The following DSCAML1 variants were observed in gnomAD, a reference collection of about 807,000 sequenced individuals.
The protein encoded by DSCAML1 is cell adhesion molecule DSCAML1.
Under a neutral mutation model 200.5 loss-of-function variants are expected in DSCAML1, and 38 were observed. That is an observed-to-expected ratio of 0.19 (90% confidence interval 0.15 to 0.25). DSCAML1 has a LOEUF of 0.25. Among genes scored for constraint, DSCAML1 ranks in the 10% least tolerant of loss-of-function variants. DSCAML1 has a pLI of 1.00. For missense variants in DSCAML1, 2,223 were observed against 2,858.8 expected (o/e 0.78, Z 5.07); for synonymous variants, 1,215 against 1,165.0 (o/e 1.04, Z -0.87).
At chr11:117,515,991 C>T (rs2049757873) in intron 8 of DSCAML1, among the ~76,000 whole-genome samples, 1 of 152,140 alleles carries the variant, frequency 6.6e-6, no homozygotes, top group African/African-American at 2.4e-5. Flanking sequence ...GAAGGGTGTT[C>T]CCAGTCCTGT....
intron 11 of DSCAML1, among the ~76,000 whole-genome samples, chr11:117,494,228 G>A (rs982110820): frequency 1.3e-5 from 2 of 152,086 alleles, no homozygotes; most frequent in African/African-American, 4.8e-5. Context: ...AGCTGTAAAG[G>A]GCCTGAAGTA....
At chr11:117,637,355 T>C (rs1018840614) in intron 3 of DSCAML1, among the ~76,000 whole-genome samples, 6 of 151,372 alleles carry the variant, frequency 4.0e-5, no homozygotes, top group Admixed American at 2.6e-4. Flanking sequence ...TTTTTTTTTT[T>C]TTTTTTTTGA....
chr11:117,576,670 C>A (rs964072800), intron 3 of DSCAML1, among the ~76,000 whole-genome samples: 1 of 152,182 alleles, frequency 6.6e-6, no homozygotes. Flanking sequence ...ACAACAGAGT[C>A]AAGGCTGACT....
chr11:117,464,904 A>G lies in DSCAML1; in HGVS notation c.3265+38T>C, dbSNP rs762131073. ...TGGCAGCCCTGGCTCTGCCCATGGC[A>G]GGAATCTGTGCCCACTCCCTTCTGC... On this transcript the variant is annotated intron_variant, in intron 17 of 32. Transcript: ENST00000651296. 5.6e-6 allele frequency: 9 copies of G among 1,603,176 alleles called. No individual in the cohort carries two copies. In the African/African-American group the frequency reaches 9.4e-5, roughly 17 times the overall value.
chr11:117,475,219 C>T (rs2137192801), intron 14 of DSCAML1, among the ~76,000 whole-genome samples: 1 of 152,276 alleles, frequency 6.6e-6, no homozygotes, highest in South Asian at 2.1e-4. Context: ...CGGCCATTGT[C>T]CACTCTACAA....
chr11:117,462,380 G>A (rs889439835), intron 17 of DSCAML1, among the ~76,000 whole-genome samples: 1 of 152,164 alleles, frequency 6.6e-6, no homozygotes, highest in South Asian at 2.1e-4. Context: ...TGAGATGACA[G>A]GCCTCCGAAA....
chr11:117,432,601 T>C, intron 29 of DSCAML1, 97 bp from the exon 30 acceptor site: 2 of 1,387,448 alleles, frequency 1.4e-6, no homozygotes, highest in Non-Finnish European at 2.0e-6. Context: ...ATCCAATGTG[T>C]TTTTTGTTTG....
chr11:117,800,311 A>G (rs1591523242), upstream of DSCAML1, among the ~76,000 whole-genome samples: 1 of 152,166 alleles, frequency 6.6e-6, no homozygotes, highest in Non-Finnish European at 1.5e-5. Context: ...CCCACCTTAA[A>G]CCCTGACAGT....
chr11:117,628,637 TG>T (rs894353296), intron 3 of DSCAML1, among the ~76,000 whole-genome samples: 5 of 152,208 alleles, frequency 3.3e-5, no homozygotes, highest in Non-Finnish European at 5.9e-5. Context: ...CCATAGCACT[TG>T]TTTATTCTTA....
Position 117,471,947 on chromosome 11 carries a change from T to C in DSCAML1, c.2875A>G (p.Ser959Gly), listed in dbSNP as rs770407550. The stretch of plus-strand genomic sequence containing the variant: ...TTGTTGAAAGAGTACATGCGGATGC[T>C]GTACACAGATGCCGGGTGCAAGTCC... ...IVDLHPASVY[S>G]IRMYSFNKIG... Residue 959 changes from serine to glycine, a missense_variant, in exon 15 of 33, where the codon AGC (serine) becomes GGC (glycine). Ser to Gly is a moderately conservative substitution (Grantham distance 56, BLOSUM62 0). This residue lies in a region of DSCAML1 where 438 missense variants were observed against 629.7 expected (regional missense o/e 0.70). Transcript: ENST00000651296. The C allele has an allele frequency of 3.7e-6, 6 of 1,614,142 alleles. No homozygotes were observed. The highest frequency in any genetic ancestry group is 4.2e-6 in the Non-Finnish European group (5 of 1,180,028).
rs370384765 is a variant in DSCAML1, at chr11:117,516,858, G to A, written c.1511-119C>T. On this transcript the variant is annotated intron_variant, in intron 7 of 32. Coordinates refer to ENST00000651296, the MANE Select transcript of DSCAML1 (RefSeq NM_020693.4). This position sits in a 1 kb window ranked among gnomAD's most constrained non-coding sequence, Gnocchi z 5.7. ...AGGCACTCGGCCCCTGAGACTTTCG[G>A]GGGCGGACATTTGGTGGGGGCACAG... 7.8e-7 allele frequency: 1 copy of A among 1,285,616 alleles called. No individual in the cohort carries two copies. The highest frequency in any genetic ancestry group is 1.0e-6 in the Non-Finnish European group (1 of 952,478). The allele number at this position is 1,285,616 out of a possible 1,614,324, so 79.6% of individuals were successfully genotyped here. A position where few individuals can be genotyped will look rare whatever the true frequency, so the allele number is the denominator to read the frequency against.
At chr11:117,627,197 T>C (rs1217926922) in intron 3 of DSCAML1, among the ~76,000 whole-genome samples, 1 of 152,222 alleles carries the variant, frequency 6.6e-6, no homozygotes, top group Non-Finnish European at 1.5e-5. Context: ...CTTATCCCGT[T>C]GTCCTGCCCA....
At chr11:117,686,320 C>T (rs1044420929) in intron 3 of DSCAML1, among the ~76,000 whole-genome samples, 4 of 152,242 alleles carry the variant, frequency 2.6e-5, no homozygotes, top group Admixed American at 1.3e-4. Context: ...TGTTGAGTCT[C>T]AGGTGGGATT....
chr11:117,585,488 C>T (rs1217984966), intron 3 of DSCAML1, among the ~76,000 whole-genome samples: 2 of 152,272 alleles, frequency 1.3e-5, no homozygotes, highest in East Asian at 3.9e-4. Flanking sequence ...ACCTTGTGAT[C>T]CGCCCACCTC....
intron 3 of DSCAML1, among the ~76,000 whole-genome samples, chr11:117,634,094 C>T (rs543354102): frequency 6.2e-4 from 95 of 152,282 alleles, no homozygotes; most frequent in African/African-American, 2.0e-3. Flanking sequence ...AGCAGGCAAG[C>T]GGCAAGTATC....
In DSCAML1 at chr11:117,780,266, A is replaced by AAGAAAG. The variant is rs2055220551; in HGVS notation, c.364+221_364+226dup. 1.1e-5 allele frequency among the ~76,000 whole-genome samples: 1 copy of AAGAAAG among 94,778 alleles called. No homozygotes were observed. The highest frequency in any genetic ancestry group is 3.3e-5 in the African/African-American group (1 of 30,114). The allele number at this position is 94,778 out of a possible 152,430, so 62.2% of individuals were successfully genotyped here. A position where few individuals can be genotyped will look rare whatever the true frequency, so the allele number is the denominator to read the frequency against. ...AAAGAAAGAAAGAAAGAAAGAAAGA[A>AAGAAAG]AGAAAGAAAGAAAGAAAGAAAGAAA... On this transcript the variant is annotated intron_variant, in intron 2 of 32. Transcript: ENST00000651296. The surrounding 1 kb of genome is among the most constrained non-coding windows in gnomAD (Gnocchi z 4.8).
chr11:117,441,289 G>A (rs1199174322), intron 21 of DSCAML1, among the ~76,000 whole-genome samples: 1 of 152,216 alleles, frequency 6.6e-6, no homozygotes, highest in African/African-American at 2.4e-5. Flanking sequence ...TGAGTCCACA[G>A]TGCAGCCACA....
At position 117,443,955 on chromosome 11, in the gene DSCAML1, C is replaced by A; in HGVS notation, c.3793G>T (p.Val1265Leu). The A allele has an allele frequency of 1.2e-6, 2 of 1,613,686 alleles. No homozygotes were observed. The highest frequency in any genetic ancestry group is 8.5e-7 in the Non-Finnish European group (1 of 1,179,926). ...CGGCCGGCAGAGGTGACGGCGGCCA[C>A]CCACAGCAGATACTGCTGACCGCGG... ...LNRGQQYLLW[V>L]AAVTSAGRGN... is the part of the protein sequence containing the mutation. Residue 1265 changes from valine (V) to leucine (L), a missense_variant, in exon 21 of 33, where the codon GTG becomes TTG. Coordinates refer to ENST00000651296, the MANE Select transcript of DSCAML1 (RefSeq NM_020693.4).
chr11:117,531,389 C>T (rs536067217), intron 4 of DSCAML1, among the ~76,000 whole-genome samples: 1 of 152,238 alleles, frequency 6.6e-6, no homozygotes, highest in South Asian at 2.1e-4. Context: ...CGGTCCCTGA[C>T]AGAAACAAAT....
Sources: gnomAD v4.1 joint callset for allele counts (sites outside exome capture counted in the v4.1 genomes callset) on GRCh38, gnomAD v4.1.1 for gene constraint, gnomAD v4.1.1 regional missense constraint, Gnocchi (gnomAD v3.1) non-coding constraint, MANE v1.5 for transcripts, NCBI Gene and HGNC (gene_info 2026-07-23, HGNC 2026-07-21) for gene names.